RBFOX1: variants seen among roughly 807,000 people sequenced by gnomAD.
The protein encoded by RBFOX1 is RNA binding protein fox-1 homolog 1.
RBFOX1 carries 8 observed loss-of-function variants against 57.7 expected under a neutral mutation model. The ratio of observed to expected loss-of-function variants is 0.14; its 90% confidence interval spans 0.08 to 0.25. RBFOX1 has a LOEUF of 0.25. Among genes scored for constraint, RBFOX1 ranks in the 10% least tolerant of loss-of-function variants. The probability of loss-of-function intolerance (pLI) is 1.00; values close to 1 mark genes in which losing one functional copy is unlikely to be tolerated. For missense variants in RBFOX1, 611 were observed against 548.5 expected (o/e 1.11, Z -1.14); for synonymous variants, 326 against 222.4 (o/e 1.47, Z -4.15).
At chr16:6,531,874 G>T (rs575351116) in intron 2 of RBFOX1, among the ~76,000 whole-genome samples, 2 of 152,230 alleles carry the variant, frequency 1.3e-5, no homozygotes, top group South Asian at 2.1e-4. Flanking sequence ...AGGGCTCATT[G>T]GTTGCAAGCA....
At chr16:5,342,043 C>A (rs2065044508) in intron 1 of RBFOX1, among the ~76,000 whole-genome samples, 1 of 152,354 alleles carries the variant, frequency 6.6e-6, no homozygotes, top group East Asian at 1.9e-4. Context: ...TGGGACAATG[C>A]TGGTAAATCC....
intron 3 of RBFOX1, among the ~76,000 whole-genome samples, chr16:5,611,651 C>T (rs59839397): frequency 0.033 from 4,993 of 152,014 alleles, 178 homozygotes; most frequent in African/African-American, 0.077. Context: ...CTCTCCTATC[C>T]ATCCCTCCAT....
chr16:6,313,143 A>G (rs969758760), intron 1 of RBFOX1, among the ~76,000 whole-genome samples: 2 of 152,166 alleles, frequency 1.3e-5, no homozygotes, highest in Non-Finnish European at 2.9e-5. Flanking sequence ...AGTGTGGTCC[A>G]GAATGGGAAA....
intron 3 of RBFOX1, among the ~76,000 whole-genome samples, chr16:5,718,593 C>G (rs1453737323): frequency 6.6e-6 from 1 of 152,156 alleles, no homozygotes; most frequent in African/African-American, 2.4e-5. Context: ...AGATTTGATG[C>G]TATTTACAAA....
intron 14 of RBFOX1, among the ~76,000 whole-genome samples, chr16:7,698,305 A>G (rs79586386): frequency 0.034 from 5,220 of 151,888 alleles, 116 homozygotes; most frequent in Non-Finnish European, 0.053. Context: ...CCCTTAGCAA[A>G]TCTGGGGACA....
chr16:6,362,631 T>TC (rs745518235), intron 2 of RBFOX1, among the ~76,000 whole-genome samples: 20 of 152,178 alleles, frequency 1.3e-4, no homozygotes, highest in East Asian at 1.9e-4. Flanking sequence ...ATGGATGGCT[T>TC]CATAGACTGA....
intron 4 of RBFOX1, among the ~76,000 whole-genome samples, chr16:7,341,291 A>G (rs1054718961): frequency 2.6e-5 from 4 of 152,178 alleles, no homozygotes; most frequent in East Asian, 1.9e-4. Flanking sequence ...ATCTTCAGCA[A>G]TGGTCACTGT....
chr16:6,936,019 G>A (rs1204127272), intron 3 of RBFOX1, among the ~76,000 whole-genome samples: 2 of 152,168 alleles, frequency 1.3e-5, no homozygotes, highest in Non-Finnish European at 2.9e-5. Flanking sequence ...TTTGGATAAT[G>A]GCAAGAGGGT....
At chr16:6,635,043 A>T (rs2098420717) in intron 2 of RBFOX1, among the ~76,000 whole-genome samples, 1 of 140,736 alleles carries the variant, frequency 7.1e-6, no homozygotes, top group Admixed American at 7.5e-5. Flanking sequence ...TGACATGCAT[A>T]TTTTAATAGT....
At chr16:5,345,816 A>C (rs576178136) in intron 1 of RBFOX1, among the ~76,000 whole-genome samples, 2 of 152,290 alleles carry the variant, frequency 1.3e-5, no homozygotes, top group African/African-American at 2.4e-5. Flanking sequence ...CCTTCTGTAC[A>C]TAATGCCTGG....
chr16:7,222,372 A>G (rs570993153), intron 4 of RBFOX1, among the ~76,000 whole-genome samples: 1 of 152,364 alleles, frequency 6.6e-6, no homozygotes, highest in Admixed American at 6.5e-5. Context: ...CCAATTATGA[A>G]TACATTCCTC....
At chr16:5,883,364 C>T (rs1196506615) in intron 4 of RBFOX1, among the ~76,000 whole-genome samples, 2 of 152,168 alleles carry the variant, frequency 1.3e-5, no homozygotes, top group African/African-American at 4.8e-5. Context: ...AACAAAAATA[C>T]AATCCTATTC....
intron 3 of RBFOX1, among the ~76,000 whole-genome samples, chr16:7,033,957 A>G (rs1443748929): frequency 6.6e-6 from 1 of 152,224 alleles, no homozygotes; most frequent in Non-Finnish European, 1.5e-5. Context: ...TGACCAAGCA[A>G]GACCCTGTCT....
chr16:7,450,124 G>T (rs189941416), intron 4 of RBFOX1, among the ~76,000 whole-genome samples: 2 of 152,226 alleles, frequency 1.3e-5, no homozygotes, highest in East Asian at 1.9e-4. Context: ...GGCCGAATGC[G>T]GTGGCTCATG....
At chr16:5,810,369 A>G (rs993939348) in intron 3 of RBFOX1, among the ~76,000 whole-genome samples, 47 of 152,334 alleles carry the variant, frequency 3.1e-4, no homozygotes, top group African/African-American at 9.4e-4. Context: ...GTCAACAGCC[A>G]AGGAGAGAGG....
chr16:7,699,147 T>C (rs954460941), intron 14 of RBFOX1, among the ~76,000 whole-genome samples: 1 of 152,114 alleles, frequency 6.6e-6, no homozygotes, highest in East Asian at 1.9e-4. Flanking sequence ...ATAATTGTAA[T>C]AGAAAAGACC....
intron 3 of RBFOX1, among the ~76,000 whole-genome samples, chr16:7,032,327 C>A (rs1568454849): frequency 6.6e-6 from 1 of 151,914 alleles, no homozygotes; most frequent in Non-Finnish European, 1.5e-5. Flanking sequence ...AGCCTGTAGT[C>A]CTAGCTACTT....
At chr16:5,456,752 C>G (rs982940648) in intron 1 of RBFOX1, among the ~76,000 whole-genome samples, 3 of 152,094 alleles carry the variant, frequency 2.0e-5, no homozygotes, top group Admixed American at 6.6e-5. Flanking sequence ...TAGGATGGCC[C>G]CTGTGAAGGG....
At chr16:7,184,058 G>C (rs913312630) in intron 4 of RBFOX1, among the ~76,000 whole-genome samples, 31 of 152,278 alleles carry the variant, frequency 2.0e-4, no homozygotes, top group Non-Finnish European at 4.1e-4. Context: ...GGAAAGTGGT[G>C]GTGGAGAAGA....
Sources: allele counts gnomAD v4.1 joint callset (sites outside exome capture counted in the v4.1 genomes callset), GRCh38; gene constraint gnomAD v4.1.1; transcripts MANE v1.5; gene names NCBI Gene and HGNC (gene_info 2026-07-23, HGNC 2026-07-21).